AFF2: variants seen among roughly 807,000 people sequenced by gnomAD.
AFF2 encodes AF4/FMR2 family member 2.
AFF2 carries 14 observed loss-of-function variants against 76.9 expected under a neutral mutation model. The observed-to-expected ratio is 0.18, with a 90% CI of 0.12 to 0.28. AFF2 has a LOEUF of 0.28. Among genes scored for constraint, AFF2 ranks in the 10% least tolerant of loss-of-function variants. The probability of loss-of-function intolerance (pLI) is 1.00; values close to 1 mark genes in which losing one functional copy is unlikely to be tolerated. For synonymous variants in AFF2, 398 were observed against 366.7 expected (o/e 1.09, Z -0.98); for missense variants, 868 against 1,001.1 (o/e 0.87, Z 1.79).
chrX:148,935,772 A>G (rs2071768116), intron 9 of AFF2, among the ~76,000 whole-genome samples: 1 of 111,961 alleles, frequency 8.9e-6, no homozygotes, highest in African/African-American at 3.2e-5. Flanking sequence ...TATAAAGGCA[A>G]ATATCAAGAA....
chrX:148,963,187 A>G (rs2072131785), intron 13 of AFF2, among the ~76,000 whole-genome samples: 1 of 112,217 alleles, frequency 8.9e-6, no homozygotes, highest in Non-Finnish European at 1.9e-5. Context: ...GCTTAAAAGA[A>G]TCTGCAAAGT....
chrX:148,730,355 G>T (rs1389923739), intron 3 of AFF2, among the ~76,000 whole-genome samples: 1 of 112,057 alleles, frequency 8.9e-6, no homozygotes, highest in Admixed American at 9.4e-5. Context: ...GGTAACAGTT[G>T]AAGTCCAGAG....
intron 7 of AFF2, among the ~76,000 whole-genome samples, chrX:148,845,665 T>C (rs138415595): frequency 0.054 from 6,008 of 112,237 alleles, 189 homozygotes; most frequent in Non-Finnish European, 0.084. Context: ...TTCTCCCACA[T>C]TTAACTACAG....
intron 1 of AFF2, among the ~76,000 whole-genome samples, chrX:148,629,367 C>T (rs1237720100): frequency 8.9e-6 from 1 of 111,798 alleles, no homozygotes; most frequent in Non-Finnish European, 1.9e-5. Flanking sequence ...TTTAATGAAT[C>T]CAAACTTTAT....
At chrX:148,501,353 A>C (rs1459068509) in intron 1 of AFF2, among the ~76,000 whole-genome samples, 1 of 112,296 alleles carries the variant, frequency 8.9e-6, no homozygotes, top group Non-Finnish European at 1.9e-5. Flanking sequence ...AGGGATGCGG[A>C]CCCGAAAGCG....
chrX:148,886,644 G>A (rs2071163392), intron 8 of AFF2, among the ~76,000 whole-genome samples: 4 of 112,216 alleles, frequency 3.6e-5, no homozygotes, highest in African/African-American at 1.3e-4. Context: ...TGACTCATGA[G>A]AACGGCAACC....
chrX:148,618,365 C>G (rs1424419050), intron 1 of AFF2, among the ~76,000 whole-genome samples: 2 of 111,145 alleles, frequency 1.8e-5, no homozygotes, highest in Non-Finnish European at 3.8e-5. Flanking sequence ...ACAAACACAT[C>G]CTTCTTCACA....
intron 1 of AFF2, among the ~76,000 whole-genome samples, chrX:148,561,828 C>T (rs782760442): frequency 9.0e-6 from 1 of 110,805 alleles, no homozygotes; most frequent in Non-Finnish European, 1.9e-5. Context: ...TGGTGAGTTT[C>T]TTTTAGCTGA....
At chrX:148,668,261 C>A (rs781943240) in intron 3 of AFF2, among the ~76,000 whole-genome samples, 2 of 113,117 alleles carry the variant, frequency 1.8e-5, no homozygotes, top group Non-Finnish European at 3.7e-5. Flanking sequence ...GCGTAGCCCC[C>A]CTCCTGGCTG....
chrX:148,625,736 T>G (rs1368647720), intron 1 of AFF2, among the ~76,000 whole-genome samples: 1 of 111,662 alleles, frequency 9.0e-6, no homozygotes, highest in African/African-American at 3.3e-5. Flanking sequence ...CCATTCTAAC[T>G]TAGAAGGGAA....
chrX:148,630,031 A>C (rs374020644), intron 1 of AFF2, among the ~76,000 whole-genome samples: 3 of 111,831 alleles, frequency 2.7e-5, no homozygotes, highest in African/African-American at 9.8e-5. Context: ...CAGCGTTGTG[A>C]GCCCACTCTG....
At chrX:148,977,727 A>G (rs2072344023) in intron 16 of AFF2, among the ~76,000 whole-genome samples, 1 of 110,516 alleles carries the variant, frequency 9.0e-6, no homozygotes, top group African/African-American at 3.3e-5. Context: ...TCAACTCTGT[A>G]TTTCACATGA....
intron 1 of AFF2, among the ~76,000 whole-genome samples, chrX:148,551,539 G>T (rs1469085639): frequency 1.9e-5 from 2 of 105,518 alleles, no homozygotes; most frequent in South Asian, 8.7e-4. Context: ...AAGAGATTGG[G>T]CAAAAGTTGA....
chrX:148,866,883 G>T (rs1234943849), intron 7 of AFF2, among the ~76,000 whole-genome samples: 1 of 112,071 alleles, frequency 8.9e-6, no homozygotes, highest in African/African-American at 3.2e-5. Flanking sequence ...TGAAGAGCTG[G>T]AGAGGCTCTT....
chrX:148,660,102 C>T (rs985409521), intron 2 of AFF2, among the ~76,000 whole-genome samples: 2 of 112,171 alleles, frequency 1.8e-5, no homozygotes, highest in African/African-American at 6.5e-5. Context: ...ACAGAGCTCC[C>T]TTAGCATATG....
rs188985329 is a variant in AFF2 at position 148,905,695 on chromosome X, T to C, written c.1397+1437T>C. On this transcript the variant is annotated intron_variant, in intron 9 of 20. Transcript: ENST00000370460. ...ATCAAGGCCCTCAATGGCAAATGTC[T>C]CCAAGCTCCAGCCCTCCCAATAGGA... 8.0e-5 allele frequency among the ~76,000 whole-genome samples: 9 copies of C among 112,712 alleles called. No homozygotes were observed. The East Asian group carries it at 2.5e-3, about 32-fold the overall frequency.
intron 3 of AFF2, among the ~76,000 whole-genome samples, chrX:148,674,331 T>C (rs1557259309): frequency 8.9e-6 from 1 of 112,423 alleles, no homozygotes; most frequent in African/African-American, 3.2e-5. Flanking sequence ...GGGCTAGATC[T>C]AGACAAAGTT....
intron 3 of AFF2, among the ~76,000 whole-genome samples, chrX:148,778,758 G>A (rs1284829558): frequency 9.0e-6 from 1 of 110,803 alleles, no homozygotes; most frequent in Non-Finnish European, 1.9e-5. Context: ...TTATTAGTCT[G>A]GCTAGTGATC....
Position 148,867,289 on chromosome X carries a change from T to C in AFF2, c.1263-18600T>C, listed in dbSNP as rs56317282. Among the ~76,000 whole-genome samples, 617 of 112,186 alleles carry C rather than the reference T, an allele frequency of 5.5e-3. 2 individuals are homozygous for C. Among genetic ancestry groups the C allele is most frequent in the Middle Eastern group, 0.019 (4 of 216 alleles). On this transcript the variant is annotated intron_variant, in intron 7 of 20. Transcript: ENST00000370460. ...CCATCCAAGAGCAAAGTGGCTTTCCTTCTGCCAAGGGCAAGTATCTGGAGA... is the reference window on the plus strand; with the variant it reads ...CCATCCAAGAGCAAAGTGGCTTTCCCTCTGCCAAGGGCAAGTATCTGGAGA...
Sources: allele counts gnomAD v4.1 joint callset (sites outside exome capture counted in the v4.1 genomes callset), GRCh38; gene constraint gnomAD v4.1.1; transcripts MANE v1.5; gene names NCBI Gene and HGNC (gene_info 2026-07-23, HGNC 2026-07-21).